KDM4A: variants seen among roughly 807,000 people sequenced by gnomAD.
KDM4A encodes lysine demethylase 4A.
Under a neutral mutation model 127.1 loss-of-function variants are expected in KDM4A, and 23 were observed. The observed-to-expected ratio is 0.18, with a 90% confidence interval of 0.13 to 0.26. The LOEUF (loss-of-function observed/expected upper bound fraction) is 0.26. Ranked by LOEUF, KDM4A falls within the 10% of genes least tolerant of loss-of-function variation. KDM4A has a pLI of 1.00. For missense variants in KDM4A, 890 were observed against 1,329.1 expected (o/e 0.67, Z 5.14); for synonymous variants, 443 against 466.5 (o/e 0.95, Z 0.65).
intron 3 of KDM4A, among the ~76,000 whole-genome samples, chr1:43,659,612 C>T (rs1660325287): frequency 6.6e-6 from 1 of 152,174 alleles, no homozygotes; most frequent in African/African-American, 2.4e-5. Context: ...GAGCCACACC[C>T]CTGGCCAAAG....
At chr1:43,700,101 G>A (rs1408539164) in intron 19 of KDM4A, 1 of 152,052 alleles carries the variant, frequency 6.6e-6, no homozygotes, top group Non-Finnish European at 1.5e-5. Flanking sequence ...ATTCAGCCTT[G>A]CGTAGATATG....
chr1:43,663,780 T>C (rs1660438871), intron 5 of KDM4A, among the ~76,000 whole-genome samples: 2 of 152,240 alleles, frequency 1.3e-5, no homozygotes, highest in East Asian at 3.9e-4. Context: ...TGCACCACTA[T>C]GCCCAGCTAA....
At chr1:43,656,573 A>G (rs1570810936) in intron 3 of KDM4A, among the ~76,000 whole-genome samples, 1 of 151,660 alleles carries the variant, frequency 6.6e-6, no homozygotes, top group Middle Eastern at 3.4e-3. Context: ...CCTGACCTCA[A>G]GTGATCCTCC....
chr1:43,694,140 C>T lies in KDM4A; in HGVS notation c.2484+38C>T. On this transcript the variant is annotated intron_variant, in intron 17 of 21. Transcript: ENST00000372396. This position sits in a 1 kb window ranked among gnomAD's most constrained non-coding sequence, Gnocchi z 5.2. ...AGACTCTACATAATTTCCCGACTTACAAGTTTCTGGGTAGAAGAGAACAGG... is the reference window on the plus strand; with the variant it reads ...AGACTCTACATAATTTCCCGACTTATAAGTTTCTGGGTAGAAGAGAACAGG... 1 of 1,537,852 alleles carries T rather than the reference C, an allele frequency of 6.5e-7. No individual in the cohort carries two copies. Among genetic ancestry groups the T allele is most frequent in the Non-Finnish European group, 9.0e-7 (1 of 1,115,168 alleles).
In KDM4A at chr1:43,694,050, C is replaced by A; in HGVS notation, c.2432C>A (p.Ala811Glu). 6.2e-7 allele frequency: 1 copy of A among 1,614,246 alleles called. No individual in the cohort carries two copies. The highest frequency in any genetic ancestry group is 8.5e-7 in the Non-Finnish European group (1 of 1,180,044). The change falls in exon 17 of 22, where the codon GCA becomes GAA. Residue 811 changes from alanine (A) to glutamate (E), a missense_variant. Around this residue, in one of 7 missense-constraint regions of KDM4A, gnomAD observed 246 missense variants for 418.4 expected, o/e 0.59. Transcript: ENST00000372396. This position sits in a 1 kb window ranked among gnomAD's most constrained non-coding sequence, Gnocchi z 5.2. ...CTGGAAGCAAGGTTTGTCAACATTG[C>A]AGAAAGAAGTCCGGTGGATGTGAGC... ...AILEARFVNI[A>E]ERSPVDVSKI...
At chr1:43,692,173 C>T in intron 15 of KDM4A, 83 bp from the exon 16 acceptor site, 1 of 1,247,518 alleles carries the variant, frequency 8.0e-7, no homozygotes, top group Non-Finnish European at 1.2e-6. Flanking sequence ...GGAGGAGTTG[C>T]CCAAAGCAGG....
At chr1:43,691,088 A>G in intron 14 of KDM4A, 39 bp downstream of exon 14, 1 of 1,599,818 alleles carries the variant, frequency 6.3e-7, no homozygotes, top group African/African-American at 1.3e-5. Context: ...CTGTCCCAGG[A>G]GTATGGGCCT....
chr1:43,657,258 AGTGGC>A (rs1660265682), intron 3 of KDM4A, among the ~76,000 whole-genome samples: 1 of 151,412 alleles, frequency 6.6e-6, no homozygotes, highest in South Asian at 2.1e-4. Flanking sequence ...GCTAGAGTGC[AGTGGC>A]GTGATCTCGG....
intron 12 of KDM4A, among the ~76,000 whole-genome samples, chr1:43,686,590 G>A (rs1048280741): frequency 3.8e-4 from 58 of 152,098 alleles, no homozygotes; most frequent in African/African-American, 1.3e-3. Context: ...GCCCGCTTCA[G>A]CCTCCCAAAG....
rs967668303 is a variant in KDM4A at position 43,697,934 on chromosome 1, G to A, written c.2762G>A (p.Arg921Lys). The change falls in exon 19 of 22, where the codon AGG becomes AAG. Residue 921 changes from arginine (R) to lysine (K), a missense_variant. Physicochemically the swap from Arg to Lys is conservative, Grantham distance 26. Around this residue, in one of 7 missense-constraint regions of KDM4A, gnomAD observed 246 missense variants for 418.4 expected, o/e 0.59. Coordinates refer to ENST00000372396, the MANE Select transcript of KDM4A (RefSeq NM_014663.3). ...CGCTTCTACCAGTGTGAAGTGGTCAGGCTCACCACCGAGACCTTCTATGAA... is the reference window on the plus strand; with the variant it reads ...CGCTTCTACCAGTGTGAAGTGGTCAAGCTCACCACCGAGACCTTCTATGAA... ...NGRFYQCEVVRLTTETFYEVN... is the reference protein window; with the variant it reads ...NGRFYQCEVVKLTTETFYEVN... The A allele has an allele frequency of 6.2e-7, 1 of 1,604,800 alleles. No homozygotes were observed. Among genetic ancestry groups the A allele is most frequent in the South Asian group, 1.1e-5 (1 of 90,412 alleles).
At chr1:43,670,777 G>A (rs912131954) in intron 10 of KDM4A, among the ~76,000 whole-genome samples, 1 of 151,982 alleles carries the variant, frequency 6.6e-6, no homozygotes, top group African/African-American at 2.4e-5. Flanking sequence ...TAGCCAGGAT[G>A]GTCTCGATCT....
intron 12 of KDM4A, among the ~76,000 whole-genome samples, chr1:43,685,791 A>G (rs989061419): frequency 6.6e-6 from 1 of 152,042 alleles, no homozygotes; most frequent in African/African-American, 2.4e-5. Flanking sequence ...AAAAAAGATC[A>G]TGATAAACAG....
intron 3 of KDM4A, among the ~76,000 whole-genome samples, chr1:43,656,705 T>C (rs1660249282): frequency 6.6e-6 from 1 of 151,556 alleles, no homozygotes; most frequent in African/African-American, 2.4e-5. Context: ...ATTTTGTGTT[T>C]CCTTGTTCAG....
intron 13 of KDM4A, 34 bp downstream of exon 13, chr1:43,689,129 AC>A: frequency 6.2e-7 from 1 of 1,600,640 alleles, no homozygotes; most frequent in Non-Finnish European, 8.5e-7. Context: ...TTTACCCAGG[AC>A]CAGCAATCAT....
chr1:43,667,118 A>G, intron 8 of KDM4A, 27 bp downstream of exon 8: 2 of 1,612,130 alleles, frequency 1.2e-6, no homozygotes, highest in Non-Finnish European at 1.7e-6. Context: ...TCTTTCTATA[A>G]CACCATGACA....
rs2154046192 is a variant in KDM4A at position 43,653,136 on chromosome 1, G to C, written c.-39-1G>C. 1.3e-6 allele frequency: 2 copies of C among 1,558,626 alleles called. No individual in the cohort carries two copies. The highest frequency in any genetic ancestry group is 4.5e-5 in the East Asian group (2 of 44,132). ...TTTATACTCTTAATGTGTTTCTTCA[G>C]ATTCCTGTCTGACTAAAGGGACCTC... On this transcript the variant is annotated splice_acceptor_variant, in intron 1 of 21. Transcript: ENST00000372396. LOFTEE classifies it low-confidence loss of function (5UTR_SPLICE).
At chr1:43,667,642 G>T in intron 8 of KDM4A, 130 bp from the exon 9 acceptor site, 1 of 1,248,660 alleles carries the variant, frequency 8.0e-7, no homozygotes. Flanking sequence ...CCCTCAGCCT[G>T]TGAACCAAAA....
At chr1:43,675,081 C>A (rs1294822537) in intron 11 of KDM4A, among the ~76,000 whole-genome samples, 1 of 152,202 alleles carries the variant, frequency 6.6e-6, no homozygotes, top group Non-Finnish European at 1.5e-5. Context: ...CTTCTTGGTT[C>A]CTTTTTATTT....
chr1:43,666,183 T>G, intron 6 of KDM4A: 1 of 446,064 alleles, frequency 2.2e-6, no homozygotes, highest in Non-Finnish European at 4.0e-6. Context: ...TCCTAAATAG[T>G]TTCAAAGCTC....
Sources: gnomAD v4.1 joint callset for allele counts (sites outside exome capture counted in the v4.1 genomes callset) on GRCh38, gnomAD v4.1.1 for gene constraint, gnomAD v4.1.1 regional missense constraint, Gnocchi (gnomAD v3.1) non-coding constraint, MANE v1.5 for transcripts, NCBI Gene and HGNC (gene_info 2026-07-23, HGNC 2026-07-21) for gene names.